The following TPPP variants were observed in gnomAD, a reference collection of about 807,000 sequenced individuals.
TPPP encodes tubulin polymerization promoting protein.
Under a neutral mutation model 15.5 loss-of-function variants are expected in TPPP, and 6 were observed. The observed-to-expected ratio is 0.39, with a 90% CI of 0.21 to 0.77. TPPP has a LOEUF of 0.77. Among genes scored for constraint, TPPP ranks in the 30% least tolerant of loss-of-function variants. The pLI, the probability that TPPP is intolerant of heterozygous loss-of-function variation, is 0.42. For missense variants in TPPP, 269 were observed against 307.2 expected, an observed-to-expected ratio of 0.88 and a Z score of 0.93; for synonymous variants, 146 against 133.9, an observed-to-expected ratio of 1.09 and a Z score of -0.63.
intron 1 of TPPP, among the ~76,000 whole-genome samples, chr5:685,718 G>A (rs1740748362): frequency 6.6e-6 from 1 of 152,228 alleles, no homozygotes; most frequent in East Asian, 1.9e-4. Flanking sequence ...CATCTGCAGA[G>A]TGTGGTCCTT....
Position 664,673 on chromosome 5 carries a change from G to A in TPPP, c.*429C>T, listed in dbSNP as rs542324621. 6.6e-4 allele frequency: 118 copies of A among 178,914 alleles called. No homozygotes were observed. The highest frequency in any genetic ancestry group is 2.7e-3 in the African/African-American group (114 of 42,262). The allele number at this position is 178,914 out of a possible 1,614,324, so 11.1% of individuals were successfully genotyped here. A position where few individuals can be genotyped will look rare whatever the true frequency, so the allele number is the denominator to read the frequency against. ...CCACGTCCGGTGTGGGGCCAATTCCGTGTTAGTTGCCTGCTGGTTGGGGTT... is the reference window on the plus strand; with the variant it reads ...CCACGTCCGGTGTGGGGCCAATTCCATGTTAGTTGCCTGCTGGTTGGGGTT... On this transcript the variant is annotated 3_prime_UTR_variant, in exon 4 of 4. Coordinates refer to ENST00000360578, the MANE Select transcript of TPPP (RefSeq NM_007030.3).
intron 1 of TPPP, among the ~76,000 whole-genome samples, chr5:681,633 G>T (rs1740625604): frequency 6.6e-6 from 1 of 152,198 alleles, no homozygotes; most frequent in African/African-American, 2.4e-5. Context: ...CACAAGTGGG[G>T]CCTGGCCAGG....
rs144152784 is a variant in TPPP at position 665,270 on chromosome 5, C to T, written c.492G>A (p.Ser164=). 8.1e-6 allele frequency: 13 copies of T among 1,613,514 alleles called. No homozygotes were observed. In the East Asian group the frequency reaches 1.1e-4, roughly 14 times the overall value. The part of the protein sequence containing the change: ...VTKAISSPTV[S]RLTDTTKFTG... ...TGAACTTGGTGGTGTCCGTGAGCCTCGACACTGTGGGCGACGAGATGGCTT... is the reference window on the plus strand; with the variant it reads ...TGAACTTGGTGGTGTCCGTGAGCCTTGACACTGTGGGCGACGAGATGGCTT... Residue 164 remains serine (S), a synonymous_variant, in exon 4 of 4, where the codon TCG becomes TCA. Coordinates refer to ENST00000360578, the MANE Select transcript of TPPP (RefSeq NM_007030.3).
At chr5:696,775 C>T (rs1326526078), upstream of TPPP, among the ~76,000 whole-genome samples, 1 of 84,126 alleles carries the variant, frequency 1.2e-5, no homozygotes, top group Non-Finnish European at 2.8e-5. Flanking sequence ...TTTGTGCATT[C>T]CTATGTGTGA....
chr5:697,028 C>G (rs1741025980), upstream of TPPP, among the ~76,000 whole-genome samples: 1 of 141,566 alleles, frequency 7.1e-6, no homozygotes, highest in Non-Finnish European at 1.6e-5. Context: ...GTGCATGGGC[C>G]TGTGTGTCTT....
intron 1 of TPPP, among the ~76,000 whole-genome samples, chr5:684,545 C>T (rs981107674): frequency 1.6e-4 from 25 of 151,870 alleles, no homozygotes; most frequent in Non-Finnish European, 2.9e-4. Context: ...GGACAGAGCC[C>T]CTGTGGAGCT....
intron 2 of TPPP, among the ~76,000 whole-genome samples, chr5:674,259 C>G (rs1253551178): frequency 6.6e-6 from 1 of 152,146 alleles, no homozygotes; most frequent in Non-Finnish European, 1.5e-5. Context: ...GTCCACACGC[C>G]CGAGCCTGCT....
rs1739796764 is a variant in TPPP at position 664,086 on chromosome 5, C to T, written c.*1016G>A. The T allele has an allele frequency of 6.7e-6, 1 of 149,576 alleles. No homozygotes were observed. Among genetic ancestry groups the T allele is most frequent in the Non-Finnish European group, 1.5e-5 (1 of 67,250 alleles). The allele number at this position is 149,576 out of a possible 1,614,324, so 9.3% of individuals were successfully genotyped here. On this transcript the variant is annotated 3_prime_UTR_variant, in exon 4 of 4. Coordinates refer to ENST00000360578, the MANE Select transcript of TPPP (RefSeq NM_007030.3). ...GGGGTCCTCCCTAGTGTCCTGCTCT[C>T]CGGCGGGGGGGATTGGCCAGGAGAG...
At chr5:677,229 C>T (rs990582868) in intron 2 of TPPP, among the ~76,000 whole-genome samples, 19 of 152,196 alleles carry the variant, frequency 1.2e-4, no homozygotes, top group East Asian at 3.8e-4. Flanking sequence ...GGGGGACACC[C>T]GAATGGCCAG....
At chr5:693,107 C>T (rs1479626845) in intron 1 of TPPP, among the ~76,000 whole-genome samples, 171 bp downstream of exon 1, 1 of 119,136 alleles carries the variant, frequency 8.4e-6, no homozygotes, top group Admixed American at 8.6e-5. Context: ...GAACTCCGGG[C>T]ATCCCAATCC....
At chr5:683,366 G>A (rs191073050) in intron 1 of TPPP, among the ~76,000 whole-genome samples, 6 of 152,298 alleles carry the variant, frequency 3.9e-5, no homozygotes, top group South Asian at 2.1e-4. Context: ...ACCAGGCTGG[G>A]AGCATCAGGC....
At chr5:676,399 T>C (rs1740433067) in intron 2 of TPPP, 1 of 151,002 alleles carries the variant, frequency 6.6e-6, no homozygotes, top group African/African-American at 2.4e-5. Context: ...GATGGGGCGC[T>C]GGCGCCGCAG....
chr5:674,806 C>T (rs1709544), intron 2 of TPPP, among the ~76,000 whole-genome samples: 106,284 of 151,408 alleles, frequency 0.7, 38,762 homozygotes, highest in African/African-American at 0.92. Context: ...GCTGGTCTGT[C>T]CTCCAGGCAG....
In TPPP at chr5:687,335, A is replaced by T. The variant is rs377180490; in HGVS notation, c.-5+5943T>A. Reference sequence around the variant, plus strand: ...CAGAGGCTCAGCACCCCTCATGGGGAACAAAGTCTTTGAGGCCCTCAGGTG... The same window carrying T: ...CAGAGGCTCAGCACCCCTCATGGGGTACAAAGTCTTTGAGGCCCTCAGGTG... On this transcript the variant is annotated intron_variant, in intron 1 of 3. Transcript: ENST00000360578. Among the ~76,000 whole-genome samples, 4 of 131,360 alleles carry T rather than the reference A, an allele frequency of 3.0e-5. No homozygotes were observed. The East Asian group carries it at 6.3e-4, about 21-fold the overall frequency. 86.2% of individuals were successfully genotyped at this position (131,360 alleles called of 152,430 possible).
chr5:688,919 C>T (rs1219159251), intron 1 of TPPP, among the ~76,000 whole-genome samples: 122 of 117,876 alleles, frequency 1.0e-3, no homozygotes, highest in African/African-American at 3.1e-3. Flanking sequence ...GGCTGTGCAG[C>T]GGTGCCCTGG....
chr5:672,816 A>G (rs1236521505), intron 2 of TPPP, among the ~76,000 whole-genome samples: 3 of 152,242 alleles, frequency 2.0e-5, no homozygotes, highest in Non-Finnish European at 4.4e-5. Context: ...GGAGGGAGTC[A>G]TTGTCTGGGT....
intron 2 of TPPP, among the ~76,000 whole-genome samples, chr5:667,716 T>C (rs910537734): frequency 6.6e-6 from 1 of 151,128 alleles, no homozygotes; most frequent in African/African-American, 2.5e-5. Flanking sequence ...AAAAAATCCA[T>C]GTGAAAAGAC....
the TPPP span, among the ~76,000 whole-genome samples, chr5:700,190 C>T: frequency 6.6e-6 from 1 of 151,940 alleles, no homozygotes; most frequent in African/African-American, 2.4e-5. Context: ...ATGGATGAAC[C>T]TAAGCATCCA....
rs374962619 is a variant in TPPP, at chr5:680,664, G to A, written c.-4-2600C>T. Among the ~76,000 whole-genome samples the A allele has an allele frequency of 3.5e-3, 521 of 149,870 alleles. 2 individuals are homozygous for A. The highest frequency in any genetic ancestry group is 4.6e-3 in the African/African-American group (186 of 40,376). On this transcript the variant is annotated intron_variant, in intron 1 of 3. Coordinates refer to ENST00000360578, the MANE Select transcript of TPPP (RefSeq NM_007030.3). ...CTGCACCAAGGGGTGGAGCAGTGCC[G>A]ACCTCAGACGCCAGCTGCCAGAAAT...
Sources: allele counts gnomAD v4.1 joint callset (sites outside exome capture counted in the v4.1 genomes callset), GRCh38; gene constraint gnomAD v4.1.1; transcripts MANE v1.5; gene names NCBI Gene and HGNC (gene_info 2026-07-23, HGNC 2026-07-21).